Variants in FHIT observed in about 807,000 individuals in gnomAD.
FHIT encodes the protein fragile histidine triad diadenosine triphosphatase.
A neutral mutation model predicts 17.9 loss-of-function variants in FHIT; 19 were observed. The observed-to-expected ratio is 1.06, with a 90% CI of 0.74 to 1.56. The LOEUF (loss-of-function observed/expected upper bound fraction) is 1.56, where lower values mean the gene tolerates loss of function less well. Among genes scored for constraint, FHIT ranks in the 40% most tolerant of loss-of-function variants. FHIT has a pLI of 0.00. For missense variants in FHIT, 248 were observed against 189.2 expected (o/e 1.31, Z -1.82); for synonymous variants, 81 against 69.7 (o/e 1.16, Z -0.81).
chr3:60,315,249 T>C (rs1041690546), intron 5 of FHIT, among the ~76,000 whole-genome samples: 1 of 152,174 alleles, frequency 6.6e-6, no homozygotes, highest in Admixed American at 6.5e-5. Context: ...TAATAAATTG[T>C]CTTCAGCTAT....
chr3:60,130,657 T>A (rs1443112098), intron 5 of FHIT, among the ~76,000 whole-genome samples: 2 of 151,818 alleles, frequency 1.3e-5, no homozygotes, highest in African/African-American at 4.8e-5. Flanking sequence ...CCCACATTGT[T>A]GAAAAATTAT....
chr3:60,655,761 A>T (rs558408660), intron 4 of FHIT, among the ~76,000 whole-genome samples: 12 of 152,300 alleles, frequency 7.9e-5, no homozygotes, highest in African/African-American at 2.9e-4. Flanking sequence ...ATTCTCTCAC[A>T]TCCCCAAGAT....
intron 5 of FHIT, among the ~76,000 whole-genome samples, chr3:60,460,815 A>G (rs1375679008): frequency 6.6e-6 from 1 of 152,210 alleles, no homozygotes; most frequent in Non-Finnish European, 1.5e-5. Context: ...AATTCTCTAC[A>G]TTTTAAAGCC....
intron 8 of FHIT, among the ~76,000 whole-genome samples, chr3:59,913,766 A>C (rs1419112865): frequency 2.6e-5 from 4 of 152,188 alleles, no homozygotes; most frequent in African/African-American, 9.7e-5. Context: ...CCCCATTTTA[A>C]ATATGGGAAA....
chr3:61,019,959 G>A (rs886270774), intron 3 of FHIT, among the ~76,000 whole-genome samples: 26 of 152,156 alleles, frequency 1.7e-4, no homozygotes, highest in Admixed American at 9.8e-4. Flanking sequence ...GTGGTTTGCT[G>A]CACCCACCAA....
chr3:60,608,546 C>T (rs947023245), intron 4 of FHIT, among the ~76,000 whole-genome samples: 12 of 152,196 alleles, frequency 7.9e-5, no homozygotes, highest in East Asian at 1.9e-4. Context: ...CAGCTAATAA[C>T]GAAAGTTGAC....
intron 5 of FHIT, among the ~76,000 whole-genome samples, chr3:60,038,374 G>A (rs4327338): frequency 0.44 from 66,568 of 151,938 alleles, 15,157 homozygotes; most frequent in Middle Eastern, 0.59. Context: ...TAGGAATAAT[G>A]TTATATATTT....
intron 2 of FHIT, among the ~76,000 whole-genome samples, chr3:61,074,585 G>T (rs1198755402): frequency 6.6e-6 from 1 of 152,228 alleles, no homozygotes; most frequent in African/African-American, 2.4e-5. Flanking sequence ...ATAACAAATG[G>T]CTGGGGCTGA....
intron 4 of FHIT, among the ~76,000 whole-genome samples, chr3:60,632,087 TTTTTTTTG>T (rs1393383476): frequency 1.3e-5 from 2 of 150,580 alleles, no homozygotes; most frequent in East Asian, 3.9e-4. Flanking sequence ...AAGAAGTGTT[TTTTTTTTG>T]TTTTTTGTTT....
At chr3:59,950,549 G>GTTCA (rs1707064185) in intron 7 of FHIT, among the ~76,000 whole-genome samples, 1 of 152,146 alleles carries the variant, frequency 6.6e-6, no homozygotes, top group African/African-American at 2.4e-5. Context: ...TAAAAAAACT[G>GTTCA]TTTGTTTACT....
intron 5 of FHIT, among the ~76,000 whole-genome samples, chr3:60,020,298 G>A (rs1700506069): frequency 6.6e-6 from 1 of 152,088 alleles, no homozygotes; most frequent in Non-Finnish European, 1.5e-5. Context: ...TTTAAACATG[G>A]AGCACTGACA....
chr3:60,926,187 A>G (rs1407428997), intron 3 of FHIT, among the ~76,000 whole-genome samples: 1 of 152,208 alleles, frequency 6.6e-6, no homozygotes, highest in Non-Finnish European at 1.5e-5. Flanking sequence ...AATTGAACTC[A>G]GCTCTGCACC....
chr3:60,117,898 G>T (rs886869290), intron 5 of FHIT, among the ~76,000 whole-genome samples: 40 of 152,136 alleles, frequency 2.6e-4, no homozygotes, highest in African/African-American at 9.7e-4. Flanking sequence ...GATGCCTTAG[G>T]ATATCCATGA....
rs138043239 is a variant in FHIT, at chr3:59,896,435, T to C, written c.348+25911A>G. Among the ~76,000 whole-genome samples the C allele has an allele frequency of 3.2e-3, 482 of 152,318 alleles. 2 individuals carry two copies. The highest frequency in any genetic ancestry group is 4.6e-3 in the Non-Finnish European group (314 of 68,020). On this transcript the variant is annotated intron_variant, in intron 8 of 9. Transcript: ENST00000492590. ...AATAGCATCCTTTATTTAACTGCGA[T>C]CAATTCAACATAAGACTGAAAATCA...
intron 7 of FHIT, among the ~76,000 whole-genome samples, chr3:59,962,631 G>C (rs1707739672): frequency 6.6e-6 from 1 of 152,176 alleles, no homozygotes; most frequent in African/African-American, 2.4e-5. Flanking sequence ...CAAGGTTATA[G>C]AGCTTTCTTC....
At chr3:60,775,390 G>C (rs998861779) in intron 4 of FHIT, among the ~76,000 whole-genome samples, 1 of 152,116 alleles carries the variant, frequency 6.6e-6, no homozygotes, top group Non-Finnish European at 1.5e-5. Context: ...TGTTTGCAGC[G>C]GGGAGGAGCC....
intron 1 of FHIT, among the ~76,000 whole-genome samples, chr3:61,225,484 C>G (rs2106845574): frequency 6.6e-6 from 1 of 152,282 alleles, no homozygotes; most frequent in African/African-American, 2.4e-5. Flanking sequence ...ATTCAGAACA[C>G]AATAGACTTA....
At chr3:60,751,925 A>T (rs1402063826) in intron 4 of FHIT, among the ~76,000 whole-genome samples, 2 of 152,208 alleles carry the variant, frequency 1.3e-5, no homozygotes, top group African/African-American at 4.8e-5. Flanking sequence ...AAAATAGAAT[A>T]CTATGCAGTC....
rs542470558 is a variant in FHIT, at chr3:59,750,235, A to G, written c.*6-656T>C. 26 of 226,708 alleles carry G rather than the reference A, an allele frequency of 1.1e-4. No homozygotes were observed. The South Asian group carries it at 4.6e-3, about 40-fold the overall frequency. 14.0% of individuals were successfully genotyped at this position (226,708 alleles called of 1,614,324 possible). On this transcript the variant is annotated intron_variant, in intron 9 of 9. Transcript: ENST00000492590. The stretch of plus-strand genomic sequence containing the variant: ...TTAAAGTTCTTAAAGTGTCTAGAAA[A>G]AGCATTCTAAGACAAAACTCCTACA...
Sources: gnomAD v4.1 joint callset for allele counts (sites outside exome capture counted in the v4.1 genomes callset) on GRCh38, gnomAD v4.1.1 for gene constraint, MANE v1.5 for transcripts, NCBI Gene and HGNC (gene_info 2026-07-23, HGNC 2026-07-21) for gene names.